The following BAG6 variants were observed in gnomAD, a reference collection of about 807,000 sequenced individuals.
BAG6 encodes BAG cochaperone 6.
Under a neutral mutation model 121.0 loss-of-function variants are expected in BAG6, and 22 were observed. That is an observed-to-expected ratio of 0.18 (90% CI 0.13 to 0.26). The LOEUF is 0.26. Among genes scored for constraint, BAG6 ranks in the 10% least tolerant of loss-of-function variants. The probability of loss-of-function intolerance (pLI) is 1.00; values close to 1 mark genes in which losing one functional copy is unlikely to be tolerated. For synonymous variants in BAG6, 583 were observed against 584.6 expected (o/e 1.00, Z 0.04); for missense variants, 1,233 against 1,537.7 (o/e 0.80, Z 3.31).
At chr6:31,648,110 G>A (rs1045043842) in intron 6 of BAG6, among the ~76,000 whole-genome samples, 11 of 151,564 alleles carry the variant, frequency 7.3e-5, no homozygotes, top group Admixed American at 5.9e-4. Flanking sequence ...CCGCCTCCCA[G>A]GTTCAAGAAA....
Position 31,641,303 on chromosome 6 carries a change from C to T in BAG6, c.2662+17G>A. On this transcript the variant is annotated intron_variant, in intron 19 of 25. Coordinates refer to ENST00000676615, the MANE Select transcript of BAG6 (RefSeq NM_001387994.1). The surrounding 1 kb of genome is among the most constrained non-coding windows in gnomAD (Gnocchi z 5.7). ...ATGCAACAGGCCCCACTTGCCCCCGCCTGGCCAGCCCCTGACCTGTGCAAT... is the reference window on the plus strand; with the variant it reads ...ATGCAACAGGCCCCACTTGCCCCCGTCTGGCCAGCCCCTGACCTGTGCAAT... 1.9e-6 allele frequency: 3 copies of T among 1,613,926 alleles called. No individual in the cohort carries two copies. The highest frequency in any genetic ancestry group is 2.5e-6 in the Non-Finnish European group (3 of 1,179,788).
intron 2 of BAG6, among the ~76,000 whole-genome samples, chr6:31,650,470 T>G (rs982919486): frequency 2.6e-5 from 4 of 152,120 alleles, no homozygotes; most frequent in Non-Finnish European, 5.9e-5. Context: ...AAGACCAGCC[T>G]GGCCAACACG....
rs1363911437 is a variant in BAG6, at chr6:31,644,231, A to G, written c.1556-37T>C. 6.3e-7 allele frequency: 1 copy of G among 1,592,254 alleles called. No homozygotes were observed. Among genetic ancestry groups the G allele is most frequent in the African/African-American group, 1.3e-5 (1 of 74,376 alleles). ...AGAAGAGACAGACCGAAGAGGGCTG[A>G]GGGCCAGGCCCTTGCCAGCCAGCTG... On this transcript the variant is annotated intron_variant, in intron 12 of 25. Coordinates refer to ENST00000676615, the MANE Select transcript of BAG6 (RefSeq NM_001387994.1). This position sits in a 1 kb window ranked among gnomAD's most constrained non-coding sequence, Gnocchi z 4.9.
Position 31,641,493 on chromosome 6 carries a change from C to T in BAG6, c.2559+46G>A, listed in dbSNP as rs1289936607. 1 of 1,614,080 alleles carries T rather than the reference C, an allele frequency of 6.2e-7. No individual in the cohort carries two copies. Among genetic ancestry groups the T allele is most frequent in the Non-Finnish European group, 8.5e-7 (1 of 1,179,948 alleles). On this transcript the variant is annotated intron_variant, in intron 18 of 25. Transcript: ENST00000676615. The surrounding 1 kb of genome is among the most constrained non-coding windows in gnomAD (Gnocchi z 5.7). ...GACTGGGAGTGGAGGAGGCAGCTGC[C>T]TTGACCAGACCCAGGAGAGGAAAGG...
rs1306179031 is a variant in BAG6 at position 31,639,158 on chromosome 6, G to C, written c.3462C>G (p.Ala1154=). 6.8e-6 allele frequency: 11 copies of C among 1,613,918 alleles called. No individual in the cohort carries two copies. The highest frequency in any genetic ancestry group is 8.5e-6 in the Non-Finnish European group (10 of 1,179,984). ...PNYSPQRFPN[A]QRAFADDP ...AAGGATCATCAGCAAAGGCCCGCTG[G>C]GCATTGGGGAAGCGCTGGGGACTGT... The change falls in exon 26 of 26, where the codon GCC becomes GCG. Residue 1154 remains alanine (A), a synonymous_variant. Coordinates refer to ENST00000676615, the MANE Select transcript of BAG6 (RefSeq NM_001387994.1).
At chr6:31,645,640 A>G in intron 8 of BAG6, 36 bp from the exon 9 acceptor site, 2 of 1,605,728 alleles carry the variant, frequency 1.2e-6, no homozygotes, top group Non-Finnish European at 8.5e-7. Context: ...AAGGCAGAAA[A>G]TATCAAGCTG....
In BAG6 at chr6:31,644,686, G is replaced by T. The variant is rs1786998757; in HGVS notation, c.1370-84C>A. ...TCCTTCTGAGATCAGGCATACTTCA[G>T]GCCCATAATCCCCCAATCAGAAAGC... On this transcript the variant is annotated intron_variant, in intron 10 of 25. Coordinates refer to ENST00000676615, the MANE Select transcript of BAG6 (RefSeq NM_001387994.1). The surrounding 1 kb of genome is among the most constrained non-coding windows in gnomAD (Gnocchi z 4.9). The T allele has an allele frequency of 2.1e-6, 3 of 1,425,854 alleles. No individual in the cohort carries two copies. The Admixed American group carries it at 5.5e-5, about 26-fold the overall frequency. 88.3% of individuals were successfully genotyped at this position (1,425,854 alleles called of 1,614,324 possible). A position where few individuals can be genotyped will look rare whatever the true frequency, so the allele number is the denominator to read the frequency against.
intron 2 of BAG6, among the ~76,000 whole-genome samples, chr6:31,650,239 G>C (rs908189131): frequency 2.6e-5 from 4 of 151,962 alleles, no homozygotes; most frequent in Non-Finnish European, 5.9e-5. Flanking sequence ...AGAGACATCA[G>C]TGACCCCTTT....
chr6:31,643,721 C>CA (rs9281540), intron 14 of BAG6, among the ~76,000 whole-genome samples, 169 bp downstream of exon 14: 8,022 of 65,428 alleles, frequency 0.12, 1,279 homozygotes, highest in African/African-American at 0.18. Context: ...GACTCCATCT[C>CA]AAAAAAAAAA....
chr6:31,649,501 C>T lies in BAG6; in HGVS notation c.226+9G>A, dbSNP rs1393579641. On this transcript the variant is annotated intron_variant, in intron 3 of 25. Coordinates refer to ENST00000676615, the MANE Select transcript of BAG6 (RefSeq NM_001387994.1). ...CCCAACCTCTGAACTGCCTCCCCAG[C>T]CCCCTTACTGTATTCCTGAAGCTTC... is the stretch of plus-strand genomic sequence containing the variant. 10 of 1,613,932 alleles carry T rather than the reference C, an allele frequency of 6.2e-6. No individual in the cohort carries two copies. The highest frequency in any genetic ancestry group is 7.6e-6 in the Non-Finnish European group (9 of 1,179,788).
chr6:31,647,548 A>C, intron 7 of BAG6, 43 bp downstream of exon 7: 1 of 1,604,314 alleles, frequency 6.2e-7, no homozygotes. Flanking sequence ...CCCATACTTC[A>C]CTTAGGATTC....
rs1238020109 is a variant in BAG6, at chr6:31,651,649, G to A, written c.108+7C>T. On this transcript the variant is annotated splice_region_variant and intron_variant, in intron 2 of 25. Transcript: ENST00000676615. ...AGGTGTCTTCCAGAACTAGTGAGGT[G>A]TCTCACCTGGGCCCCCACAATAAAG... 1 of 1,611,866 alleles carries A rather than the reference G, an allele frequency of 6.2e-7. No individual in the cohort carries two copies. Among genetic ancestry groups the A allele is most frequent in the Middle Eastern group, 1.7e-4 (1 of 6,056 alleles).
chr6:31,644,616 C>A lies in BAG6; in HGVS notation c.1370-14G>T. 6 of 1,612,086 alleles carry A rather than the reference C, an allele frequency of 3.7e-6. No homozygotes were observed. Among genetic ancestry groups the A allele is most frequent in the Non-Finnish European group, 3.4e-6 (4 of 1,179,576 alleles). Reference sequence around the variant, plus strand: ...GTGTGCCAGAATCTGGGCAGGGAGACAGAGACAGTGGCCCTGAGGTAGGTA... The same window carrying A: ...GTGTGCCAGAATCTGGGCAGGGAGAAAGAGACAGTGGCCCTGAGGTAGGTA... On this transcript the variant is annotated splice_polypyrimidine_tract_variant and intron_variant, in intron 10 of 25. Coordinates refer to ENST00000676615, the MANE Select transcript of BAG6 (RefSeq NM_001387994.1). This position sits in a 1 kb window ranked among gnomAD's most constrained non-coding sequence, Gnocchi z 4.9.
intron 2 of BAG6, among the ~76,000 whole-genome samples, chr6:31,650,038 T>C (rs1794611795): frequency 6.6e-6 from 1 of 151,712 alleles, no homozygotes; most frequent in Admixed American, 6.6e-5. Flanking sequence ...GAGGCGGAGG[T>C]TGCAGTGAGC....
In BAG6 at chr6:31,640,055, C is replaced by A; in HGVS notation, c.3246+144G>T. On this transcript the variant is annotated intron_variant, in intron 24 of 25. Coordinates refer to ENST00000676615, the MANE Select transcript of BAG6 (RefSeq NM_001387994.1). This position sits in a 1 kb window ranked among gnomAD's most constrained non-coding sequence, Gnocchi z 4.2. ...GGTTATGCAACAACCAAGAGCAAGTCTGAATCCCAGAAAAAGTTTCCTCAT... is the reference window on the plus strand; with the variant it reads ...GGTTATGCAACAACCAAGAGCAAGTATGAATCCCAGAAAAAGTTTCCTCAT... 1.3e-6 allele frequency: 1 copy of A among 796,740 alleles called. No individual in the cohort carries two copies. Among genetic ancestry groups the A allele is most frequent in the Non-Finnish European group, 2.0e-6 (1 of 494,666 alleles). 49.4% of individuals were successfully genotyped at this position (796,740 alleles called of 1,614,324 possible). A position where few individuals can be genotyped will look rare whatever the true frequency, so the allele number is the denominator to read the frequency against.
intron 6 of BAG6, 115 bp downstream of exon 6, chr6:31,648,562 A>T: frequency 1.0e-6 from 1 of 966,154 alleles, no homozygotes; most frequent in Non-Finnish European, 1.6e-6. Context: ...TGCAGAGAAG[A>T]CTAGATTATG....
chr6:31,643,746 AG>A, intron 14 of BAG6, 143 bp downstream of exon 14: 18 of 570,928 alleles, frequency 3.2e-5, no homozygotes, highest in South Asian at 7.9e-5. Context: ...AAAAAAAAAA[AG>A]CTGAAACCTG....
chr6:31,649,242 C>T lies in BAG6; in HGVS notation c.380G>A (p.Arg127Gln), dbSNP rs1441455538. Reference sequence around the variant, plus strand: ...AACCATGACATAGCTGTTGGCATTCCGGTCATGAACAGAGGCCCCAGGCCC... The same window carrying T: ...AACCATGACATAGCTGTTGGCATTCTGGTCATGAACAGAGGCCCCAGGCCC... ...TRGPGASVHD[R>Q]NANSYVMVGT... The change falls in exon 4 of 26, where the codon CGG becomes CAG. Residue 127 changes from arginine to glutamine, a missense_variant. By Grantham distance (43) the Arg-to-Gln change is conservative (BLOSUM62 1). Coordinates refer to ENST00000676615, the MANE Select transcript of BAG6 (RefSeq NM_001387994.1). 6.8e-6 allele frequency: 11 copies of T among 1,612,936 alleles called. No homozygotes were observed. Among genetic ancestry groups the T allele is most frequent in the Admixed American group, 1.7e-5 (1 of 60,002 alleles).
rs575508709 is a variant in BAG6 at position 31,649,333 on chromosome 6, C to G, written c.289G>C (p.Gly97Arg). 6.2e-7 allele frequency: 1 copy of G among 1,613,340 alleles called. No individual in the cohort carries two copies. Among genetic ancestry groups the G allele is most frequent in the East Asian group, 2.2e-5 (1 of 44,882 alleles). Residue 97 changes from glycine (G) to arginine (R), a missense_variant, in exon 4 of 26, where the codon GGG becomes CGG. This residue lies in a region of BAG6 where 777 missense variants were observed against 861.4 expected (regional missense o/e 0.90). Coordinates refer to ENST00000676615, the MANE Select transcript of BAG6 (RefSeq NM_001387994.1). Reference protein sequence around the residue: ...RAPPQTHLPSGASSGTGSASA... With the variant: ...RAPPQTHLPSRASSGTGSASA... ...GCAGACCCCGTCCCAGAAGATGCCC[C>G]AGAAGGGAGGTGAGTCTGAGGAGGA...
Sources: allele counts gnomAD v4.1 joint callset (sites outside exome capture counted in the v4.1 genomes callset), GRCh38; gene constraint gnomAD v4.1.1; regional missense constraint gnomAD v4.1.1; non-coding constraint Gnocchi (gnomAD v3.1); transcripts MANE v1.5; gene names NCBI Gene and HGNC (gene_info 2026-07-23, HGNC 2026-07-21).